RTL10: variants seen among roughly 807,000 people sequenced by gnomAD.
RTL10 encodes protein Bop.
For missense variants in RTL10, 477 were observed against 470.7 expected (o/e 1.01, Z -0.12); for synonymous variants, 199 against 188.4 (o/e 1.06, Z -0.46).
rs531450394 is a variant in RTL10 at position 19,850,389 on chromosome 22, G to A, written c.*778C>T. 6.1e-6 allele frequency: 6 copies of A among 988,720 alleles called. No homozygotes were observed. Among genetic ancestry groups the A allele is most frequent in the Admixed American group, 1.2e-4 (2 of 16,358 alleles). The allele number at this position is 988,720 out of a possible 1,614,324, so 61.2% of individuals were successfully genotyped here. ...CTTAAGTGCTGAATCCGCAATGCAT[G>A]CGAGTGCGGAGTGAGCAGGGGATGG... On this transcript the variant is annotated 3_prime_UTR_variant, in exon 3 of 3. Coordinates refer to ENST00000328554, the MANE Select transcript of RTL10 (RefSeq NM_024627.6).
rs1384847307 is a variant in RTL10 at position 19,848,287 on chromosome 22, T to C, written c.*2880A>G. The C allele has an allele frequency of 1.0e-6, 1 of 985,302 alleles. No homozygotes were observed. Among genetic ancestry groups the C allele is most frequent in the African/African-American group, 1.7e-5 (1 of 57,226 alleles). 61.0% of individuals were successfully genotyped at this position (985,302 alleles called of 1,614,324 possible). ...AAAGCAGAGCCAGCACCATGGCCCG[T>C]CCCTGAGCATGTCCAGCAAACCCTG... is the stretch of plus-strand genomic sequence containing the variant. On this transcript the variant is annotated 3_prime_UTR_variant, in exon 3 of 3. Coordinates refer to ENST00000328554, the MANE Select transcript of RTL10 (RefSeq NM_024627.6).
In RTL10 at chr22:19,847,690, T is replaced by C. The variant is rs189463496; in HGVS notation, c.*3477A>G. On this transcript the variant is annotated 3_prime_UTR_variant, in exon 3 of 3. Transcript: ENST00000328554. Reference sequence around the variant, plus strand: ...CACAGCATGCATGTGCCTAGAATTGTTACGTGGTCAAATTATATTATTGTG... The same window carrying C: ...CACAGCATGCATGTGCCTAGAATTGCTACGTGGTCAAATTATATTATTGTG... 8.5e-4 allele frequency: 838 copies of C among 984,860 alleles called. 2 individuals are homozygous for C. The highest frequency in any genetic ancestry group is 9.9e-4 in the Non-Finnish European group (819 of 829,802). The allele number at this position is 984,860 out of a possible 1,614,324, so 61.0% of individuals were successfully genotyped here.
rs537842362 is a variant in RTL10, at chr22:19,854,816, T to A, written c.-479A>T. The A allele has an allele frequency of 6.6e-6, 1 of 152,324 alleles. No homozygotes were observed. Among genetic ancestry groups the A allele is most frequent in the Non-Finnish European group, 1.5e-5 (1 of 68,140 alleles). The allele number at this position is 152,324 out of a possible 1,614,324, so 9.4% of individuals were successfully genotyped here. A position where few individuals can be genotyped will look rare whatever the true frequency, so the allele number is the denominator to read the frequency against. ...GCCGCCCGGGCTCCCGCCTCCACAC[T>A]GACCCTCTTGCCGGAGTCGGGAACG... On this transcript the variant is annotated 5_prime_UTR_variant, in exon 1 of 3. Transcript: ENST00000328554.
Position 19,847,803 on chromosome 22 carries a change from G to GGAAAAAAAAAAAAAAAAAAAAAAAA in RTL10, c.*3363_*3364insTTTTTTTTTTTTTTTTTTTTTTTTC. ...AACTTTTAAAATCCTGGAATCATAGGCAAAAAAAAAAAAAAAAAAAAATTC... is the reference window on the plus strand; with the variant it reads ...AACTTTTAAAATCCTGGAATCATAGGGAAAAAAAAAAAAAAAAAAAAAAAACAAAAAAAAAAAAAAAAAAAAATTC... On this transcript the variant is annotated 3_prime_UTR_variant, in exon 3 of 3. Transcript: ENST00000328554. 1 of 437,872 alleles carries GGAAAAAAAAAAAAAAAAAAAAAAAA rather than the reference G, an allele frequency of 2.3e-6. No homozygotes were observed. The highest frequency in any genetic ancestry group is 9.5e-5 in the South Asian group (1 of 10,472). 27.1% of individuals were successfully genotyped at this position (437,872 alleles called of 1,614,324 possible). A position where few individuals can be genotyped will look rare whatever the true frequency, so the allele number is the denominator to read the frequency against.
rs946830730 is a variant in RTL10 at position 19,846,474 on chromosome 22, G to T, written c.*4693C>A. 3.0e-6 allele frequency: 3 copies of T among 985,298 alleles called. No individual in the cohort carries two copies. The highest frequency in any genetic ancestry group is 2.4e-6 in the Non-Finnish European group (2 of 829,810). 61.0% of individuals were successfully genotyped at this position (985,298 alleles called of 1,614,324 possible). On this transcript the variant is annotated 3_prime_UTR_variant, in exon 3 of 3. Transcript: ENST00000328554. Reference sequence around the variant, plus strand: ...GGGCCCCAGAACCCAGGGCCTGGGGGACTCTGCACACAGGCATGTGGAGAC... The same window carrying T: ...GGGCCCCAGAACCCAGGGCCTGGGGTACTCTGCACACAGGCATGTGGAGAC...
chr22:19,847,776 A>G lies in RTL10; in HGVS notation c.*3391T>C. 4.2e-6 allele frequency: 4 copies of G among 942,004 alleles called. No homozygotes were observed. Among genetic ancestry groups the G allele is most frequent in the Non-Finnish European group, 3.8e-6 (3 of 796,748 alleles). The allele number at this position is 942,004 out of a possible 1,614,324, so 58.4% of individuals were successfully genotyped here. A position where few individuals can be genotyped will look rare whatever the true frequency, so the allele number is the denominator to read the frequency against. ...CATACCTCCACAACTCTGGGCATCTAAAACTTTTAAAATCCTGGAATCATA... is the reference window on the plus strand; with the variant it reads ...CATACCTCCACAACTCTGGGCATCTGAAACTTTTAAAATCCTGGAATCATA... On this transcript the variant is annotated 3_prime_UTR_variant, in exon 3 of 3. Coordinates refer to ENST00000328554, the MANE Select transcript of RTL10 (RefSeq NM_024627.6).
chr22:19,850,702 G>A lies in RTL10; in HGVS notation c.*465C>T. On this transcript the variant is annotated 3_prime_UTR_variant, in exon 3 of 3. Coordinates refer to ENST00000328554, the MANE Select transcript of RTL10 (RefSeq NM_024627.6). ...GGACAGAAGTCACAGGGAGCAGAGA[G>A]GGTGGGGCTAGGGGGACAGACACAG... The A allele has an allele frequency of 8.1e-7, 1 of 1,234,384 alleles. No individual in the cohort carries two copies. Among genetic ancestry groups the A allele is most frequent in the Non-Finnish European group, 1.0e-6 (1 of 990,338 alleles). 76.5% of individuals were successfully genotyped at this position (1,234,384 alleles called of 1,614,324 possible).
At chr22:19,853,235 T>C (rs185600136) in intron 2 of RTL10, among the ~76,000 whole-genome samples, 4 of 150,546 alleles carry the variant, frequency 2.7e-5, no homozygotes, top group Non-Finnish European at 4.4e-5. Context: ...GCCCCCACCA[T>C]TGTAAAATCC....
Position 19,847,065 on chromosome 22 carries a change from C to T in RTL10, c.*4102G>A. ...GATCAGCTGCTGCCGTCCTATGGAA[C>T]TCAGGTGTGGCTCTGTGGCTTCCTT... On this transcript the variant is annotated 3_prime_UTR_variant, in exon 3 of 3. Transcript: ENST00000328554. 1 of 985,464 alleles carries T rather than the reference C, an allele frequency of 1.0e-6. No individual in the cohort carries two copies. Among genetic ancestry groups the T allele is most frequent in the Admixed American group, 6.1e-5 (1 of 16,286 alleles). The allele number at this position is 985,464 out of a possible 1,614,324, so 61.0% of individuals were successfully genotyped here.
Position 19,852,105 on chromosome 22 carries a change from C to G in RTL10, c.157G>C (p.Gly53Arg). ...GTCGTTCGCACACACACGGTGTCCC[C>G]ACAGCAGGGCCGCTCAATCCAGGGA... is the stretch of plus-strand genomic sequence containing the variant. ...VDPWIERPCC[G>R]DTVCVRTTME... Residue 53 changes from glycine to arginine, a missense_variant, in exon 3 of 3, where the codon GGG becomes CGG. By Grantham distance (125) the Gly-to-Arg change is moderately radical. Coordinates refer to ENST00000328554, the MANE Select transcript of RTL10 (RefSeq NM_024627.6). 1 of 1,614,242 alleles carries G rather than the reference C, an allele frequency of 6.2e-7. No individual in the cohort carries two copies. Among genetic ancestry groups the G allele is most frequent in the Non-Finnish European group, 8.5e-7 (1 of 1,180,042 alleles).
chr22:19,850,374 G>A lies in RTL10; in HGVS notation c.*793C>T, dbSNP rs1938065235. ...ATTTACACACTAGGGCTTAAGTGCTGAATCCGCAATGCATGCGAGTGCGGA... is the reference window on the plus strand; with the variant it reads ...ATTTACACACTAGGGCTTAAGTGCTAAATCCGCAATGCATGCGAGTGCGGA... On this transcript the variant is annotated 3_prime_UTR_variant, in exon 3 of 3. Transcript: ENST00000328554. The A allele has an allele frequency of 1.2e-5, 12 of 987,224 alleles. No homozygotes were observed. The highest frequency in any genetic ancestry group is 1.3e-5 in the Non-Finnish European group (11 of 831,180). The allele number at this position is 987,224 out of a possible 1,614,324, so 61.2% of individuals were successfully genotyped here.
chr22:19,848,686 G>A lies in RTL10; in HGVS notation c.*2481C>T. ...AAGGACTCTCAAGCCTGCCTAGGTG[G>A]ATGCTGCATGACTGGCCCTCAGACA... is the stretch of plus-strand genomic sequence containing the variant. On this transcript the variant is annotated 3_prime_UTR_variant, in exon 3 of 3. Transcript: ENST00000328554. 1 of 985,316 alleles carries A rather than the reference G, an allele frequency of 1.0e-6. No homozygotes were observed. Among genetic ancestry groups the A allele is most frequent in the Admixed American group, 6.1e-5 (1 of 16,270 alleles). The allele number at this position is 985,316 out of a possible 1,614,324, so 61.0% of individuals were successfully genotyped here.
chr22:19,854,787 G>A lies in RTL10; in HGVS notation c.-450C>T, dbSNP rs17534001. 11,333 of 152,526 alleles carry A rather than the reference G, an allele frequency of 0.074. 504 individuals are homozygous for A. Among genetic ancestry groups the A allele is most frequent in the Middle Eastern group, 0.13 (38 of 294 alleles). 9.4% of individuals were successfully genotyped at this position (152,526 alleles called of 1,614,324 possible). On this transcript the variant is annotated 5_prime_UTR_variant, in exon 1 of 3. Transcript: ENST00000328554. ...CCAGGCCCGCGTGCACGGAGTTCAA[G>A]CCGGCCGCCCGGGCTCCCGCCTCCA...
chr22:19,847,813 A>AAAAAAAAAAAAAAAAAAAAC lies in RTL10; in HGVS notation c.*3353_*3354insGTTTTTTTTTTTTTTTTTTT. ...ATCCTGGAATCATAGGCAAAAAAAA[A>AAAAAAAAAAAAAAAAAAAAC]AAAAAAAAAAAATTCACCCATATTT... is the stretch of plus-strand genomic sequence containing the variant. On this transcript the variant is annotated 3_prime_UTR_variant, in exon 3 of 3. Transcript: ENST00000328554. 1.1e-6 allele frequency: 1 copy of AAAAAAAAAAAAAAAAAAAAC among 938,558 alleles called. No homozygotes were observed. Among genetic ancestry groups the AAAAAAAAAAAAAAAAAAAAC allele is most frequent in the Non-Finnish European group, 1.3e-6 (1 of 788,818 alleles). The allele number at this position is 938,558 out of a possible 1,614,324, so 58.1% of individuals were successfully genotyped here.
In RTL10 at chr22:19,846,888, T is replaced by C; in HGVS notation, c.*4279A>G. On this transcript the variant is annotated 3_prime_UTR_variant, in exon 3 of 3. Coordinates refer to ENST00000328554, the MANE Select transcript of RTL10 (RefSeq NM_024627.6). Reference sequence around the variant, plus strand: ...GTTGTTTAAGTCCCCTAGCCTGCGGTCCTTTGTCAGGCAGCCCCAGCAGAC... The same window carrying C: ...GTTGTTTAAGTCCCCTAGCCTGCGGCCCTTTGTCAGGCAGCCCCAGCAGAC... 1 of 973,938 alleles carries C rather than the reference T, an allele frequency of 1.0e-6. No individual in the cohort carries two copies. The highest frequency in any genetic ancestry group is 1.2e-6 in the Non-Finnish European group (1 of 819,442). The allele number at this position is 973,938 out of a possible 1,614,324, so 60.3% of individuals were successfully genotyped here.
rs1274229273 is a variant in RTL10 at position 19,851,220 on chromosome 22, C to A, written c.1042G>T (p.Val348Leu). 1.9e-6 allele frequency: 3 copies of A among 1,598,390 alleles called. No homozygotes were observed. Among genetic ancestry groups the A allele is most frequent in the Non-Finnish European group, 2.6e-6 (3 of 1,171,946 alleles). Reference protein sequence around the residue: ...QEVSLGTPQEVVEAPETPGEP... With the variant: ...QEVSLGTPQELVEAPETPGEP... ...CCTGGGGTCTCCGGGGCCTCCACCA[C>A]CTCCTGTGGGGTACCTAAGGACACC... Residue 348 changes from valine to leucine, a missense_variant, in exon 3 of 3, where the codon GTG becomes TTG. Coordinates refer to ENST00000328554, the MANE Select transcript of RTL10 (RefSeq NM_024627.6).
chr22:19,846,476 C>A lies in RTL10; in HGVS notation c.*4691G>T, dbSNP rs1447902071. On this transcript the variant is annotated 3_prime_UTR_variant, in exon 3 of 3. Transcript: ENST00000328554. ...GCCCCAGAACCCAGGGCCTGGGGGA[C>A]TCTGCACACAGGCATGTGGAGACCA... 1 of 985,148 alleles carries A rather than the reference C, an allele frequency of 1.0e-6. No individual in the cohort carries two copies. The highest frequency in any genetic ancestry group is 6.1e-5 in the Admixed American group (1 of 16,268). The allele number at this position is 985,148 out of a possible 1,614,324, so 61.0% of individuals were successfully genotyped here.
chr22:19,849,385 T>TTTTTG lies in RTL10; in HGVS notation c.*1781_*1782insCAAAA. ...TTGTTTTTTGTTGTTTTTTTTTTTT[T>TTTTTG]GGGATGGAGTTTCACTCTTGTTGTC... On this transcript the variant is annotated 3_prime_UTR_variant, in exon 3 of 3. Coordinates refer to ENST00000328554, the MANE Select transcript of RTL10 (RefSeq NM_024627.6). 3.9e-6 allele frequency: 3 copies of TTTTTG among 762,230 alleles called. No homozygotes were observed. The highest frequency in any genetic ancestry group is 4.8e-6 in the Non-Finnish European group (3 of 627,850). The allele number at this position is 762,230 out of a possible 1,614,324, so 47.2% of individuals were successfully genotyped here.
rs1255181678 is a variant in RTL10, at chr22:19,846,230, G to A, written c.*4937C>T. Reference sequence around the variant, plus strand: ...GGCTCTGCTCATCACAGGCTATCAAGGATGACAGCAGACCCCTCCCTTCTG... The same window carrying A: ...GGCTCTGCTCATCACAGGCTATCAAAGATGACAGCAGACCCCTCCCTTCTG... On this transcript the variant is annotated 3_prime_UTR_variant, in exon 3 of 3. Coordinates refer to ENST00000328554, the MANE Select transcript of RTL10 (RefSeq NM_024627.6). The A allele has an allele frequency of 6.0e-6, 1 of 167,838 alleles. No individual in the cohort carries two copies. Among genetic ancestry groups the A allele is most frequent in the Admixed American group, 6.5e-5 (1 of 15,316 alleles). 10.4% of individuals were successfully genotyped at this position (167,838 alleles called of 1,614,324 possible). A position where few individuals can be genotyped will look rare whatever the true frequency, so the allele number is the denominator to read the frequency against.
Sources: gnomAD v4.1 joint callset for allele counts (sites outside exome capture counted in the v4.1 genomes callset) on GRCh38, gnomAD v4.1.1 for gene constraint, MANE v1.5 for transcripts, NCBI Gene and HGNC (gene_info 2026-07-23, HGNC 2026-07-21) for gene names.